The following PRKG1 variants were observed in gnomAD, a reference collection of about 807,000 sequenced individuals.
The protein encoded by PRKG1 is protein kinase cGMP-dependent 1.
A neutral mutation model predicts 88.1 loss-of-function variants in PRKG1; 35 were observed. The ratio of observed to expected loss-of-function variants is 0.40; its 90% CI spans 0.30 to 0.53. The LOEUF is 0.53. Among genes scored for constraint, PRKG1 ranks in the 20% least tolerant of loss-of-function variants. The probability of loss-of-function intolerance (pLI) is 0.59; values close to 1 mark genes in which losing one functional copy is unlikely to be tolerated. For missense variants in PRKG1, 540 were observed against 839.8 expected (o/e 0.64, Z 4.41); for synonymous variants, 303 against 292.5 (o/e 1.04, Z -0.37).
At chr10:51,823,367 A>G (rs1036751875) in intron 4 of PRKG1, among the ~76,000 whole-genome samples, 8 of 152,274 alleles carry the variant, frequency 5.3e-5, no homozygotes, top group Admixed American at 2.6e-4. Context: ...TTGCTTCTGT[A>G]TGGCATATAG....
intron 3 of PRKG1, among the ~76,000 whole-genome samples, chr10:51,512,700 G>A (rs1186634805): frequency 6.4e-5 from 4 of 62,710 alleles, no homozygotes; most frequent in East Asian, 3.9e-4. Context: ...AGTCCTTTGG[G>A]TATATACCCA....
At chr10:52,099,878 G>A (rs1343694438) in intron 7 of PRKG1, among the ~76,000 whole-genome samples, 1 of 152,186 alleles carries the variant, frequency 6.6e-6, no homozygotes, top group Non-Finnish European at 1.5e-5. Flanking sequence ...GAACTAAACA[G>A]GAGAGTGCTT....
Position 51,164,382 on chromosome 10 carries a change from C to T in PRKG1, c.478+11052C>T, listed in dbSNP as rs535048869. On this transcript the variant is annotated intron_variant, in intron 2 of 17. Coordinates refer to ENST00000373980, the MANE Select transcript of PRKG1 (RefSeq NM_006258.4). ...CTAACAAACAGAAAGGACATCCACACCAAAAACCCATCTGTACATCACCAT... is the reference window on the plus strand; with the variant it reads ...CTAACAAACAGAAAGGACATCCACATCAAAAACCCATCTGTACATCACCAT... 9.4e-4 allele frequency among the ~76,000 whole-genome samples: 143 copies of T among 152,248 alleles called. 1 individual carries two copies. Among genetic ancestry groups the T allele is most frequent in the African/African-American group, 3.2e-3 (131 of 41,542 alleles).
At chr10:52,292,698 C>T (rs1169732546) in intron 17 of PRKG1, among the ~76,000 whole-genome samples, 1 of 152,048 alleles carries the variant, frequency 6.6e-6, no homozygotes, top group African/African-American at 2.4e-5. Flanking sequence ...AGGCCTCTGA[C>T]AAAATTTAAC....
chr10:51,796,313 A>G (rs1173775963), intron 3 of PRKG1, among the ~76,000 whole-genome samples: 1 of 152,148 alleles, frequency 6.6e-6, no homozygotes, highest in Non-Finnish European at 1.5e-5. Flanking sequence ...AGAAGCAAGT[A>G]TAATGAATTT....
intron 3 of PRKG1, among the ~76,000 whole-genome samples, chr10:51,468,120 C>G (rs1839956533): frequency 1.3e-5 from 2 of 151,852 alleles, no homozygotes; most frequent in African/African-American, 4.8e-5. Context: ...ACATTTGAAT[C>G]AAATAAGAGC....
At chr10:51,917,404 T>A (rs1842367034) in intron 5 of PRKG1, among the ~76,000 whole-genome samples, 1 of 152,086 alleles carries the variant, frequency 6.6e-6, no homozygotes, top group African/African-American at 2.4e-5. Flanking sequence ...GTTGTACAAC[T>A]CTGAATATAC....
At chr10:51,945,968 C>T (rs113116844) in intron 5 of PRKG1, among the ~76,000 whole-genome samples, 12,656 of 149,842 alleles carry the variant, frequency 0.084, 1,512 homozygotes, top group African/African-American at 0.26. Context: ...ATCTTTGTGG[C>T]GTTCTCTGTA....
At chr10:52,214,503 T>G (rs1385787047) in intron 9 of PRKG1, among the ~76,000 whole-genome samples, 1 of 152,188 alleles carries the variant, frequency 6.6e-6, no homozygotes, top group African/African-American at 2.4e-5. Flanking sequence ...TCTCAGACTT[T>G]GGAGCGAGAT....
chr10:51,263,945 C>T (rs944725451), intron 2 of PRKG1, among the ~76,000 whole-genome samples: 5 of 152,160 alleles, frequency 3.3e-5, no homozygotes, highest in African/African-American at 9.7e-5. Flanking sequence ...TAATTTGAAT[C>T]AGTGAACTTG....
chr10:51,706,851 C>T (rs1479319835), intron 3 of PRKG1, among the ~76,000 whole-genome samples: 1 of 151,988 alleles, frequency 6.6e-6, no homozygotes, highest in Non-Finnish European at 1.5e-5. Flanking sequence ...GTGTGGAATA[C>T]ATGATATACT....
At chr10:51,305,257 C>T (rs1162518390) in intron 2 of PRKG1, among the ~76,000 whole-genome samples, 1 of 152,164 alleles carries the variant, frequency 6.6e-6, no homozygotes, top group Admixed American at 6.5e-5. Flanking sequence ...TCTCCCACCA[C>T]CAAAATTTTC....
intron 5 of PRKG1, among the ~76,000 whole-genome samples, chr10:51,913,022 C>T (rs1287283887): frequency 1.3e-5 from 2 of 152,182 alleles, no homozygotes; most frequent in East Asian, 1.9e-4. Flanking sequence ...TTCATCGCCC[C>T]GTTTCAAGAG....
intron 1 of PRKG1, among the ~76,000 whole-genome samples, chr10:50,999,485 C>T (rs1842866078): frequency 6.6e-6 from 1 of 152,182 alleles, no homozygotes; most frequent in Non-Finnish European, 1.5e-5. Context: ...TCAGACTCTC[C>T]TTCCTTTTTA....
rs61372373 is a variant in PRKG1 at position 51,934,305 on chromosome 10, T to C, written c.762+26735T>C. On this transcript the variant is annotated intron_variant, in intron 5 of 17. Transcript: ENST00000373980. ...CACGCACAGATTTTTCAGGTTATAT[T>C]TTGAGTTGTGTCAGCCAAAGTGCAA... is the stretch of plus-strand genomic sequence containing the variant. 9.4e-3 allele frequency among the ~76,000 whole-genome samples: 1,403 copies of C among 149,826 alleles called. 26 individuals carry two copies. The highest frequency in any genetic ancestry group is 0.032 in the African/African-American group (1,334 of 41,108).
chr10:52,259,986 T>C (rs575013344), intron 10 of PRKG1, among the ~76,000 whole-genome samples: 147 of 152,074 alleles, frequency 9.7e-4, no homozygotes, highest in Middle Eastern at 3.4e-3. Flanking sequence ...TTCTTTTTCT[T>C]TTTTCCTTAA....
chr10:51,886,367 C>T (rs6480543), intron 4 of PRKG1, among the ~76,000 whole-genome samples: 50,911 of 151,958 alleles, frequency 0.34, 9,754 homozygotes, highest in African/African-American at 0.48. Flanking sequence ...TAATGTAAGC[C>T]ATTTAAAGAT....
intron 1 of PRKG1, among the ~76,000 whole-genome samples, chr10:51,016,683 T>TTTTTTTTTTTTTTTTTTTTG (rs1843069672): frequency 8.8e-6 from 1 of 113,006 alleles, no homozygotes; most frequent in Non-Finnish European, 1.8e-5. Context: ...CTTTTTTTTT[T>TTTTTTTTTTTTTTTTTTTTG]TTTTTTTTTG....
chr10:52,277,898 T>C (rs1012042430), intron 12 of PRKG1, among the ~76,000 whole-genome samples: 9 of 152,162 alleles, frequency 5.9e-5, no homozygotes, highest in South Asian at 4.1e-4. Context: ...AGCAGAGGTA[T>C]GTTGCCCAGA....
Sources: gnomAD v4.1 joint callset for allele counts (sites outside exome capture counted in the v4.1 genomes callset) on GRCh38, gnomAD v4.1.1 for gene constraint, MANE v1.5 for transcripts, NCBI Gene and HGNC (gene_info 2026-07-23, HGNC 2026-07-21) for gene names.